HELZ: variants seen among roughly 807,000 people sequenced by gnomAD.
HELZ encodes ATP-dependent RNA helicase with zinc finger domain.
HELZ carries 23 observed loss-of-function variants against 218.2 expected under a neutral mutation model. That is an observed-to-expected ratio of 0.11 (90% confidence interval 0.08 to 0.15). The LOEUF is 0.15. Among genes scored for constraint, HELZ ranks in the 10% least tolerant of loss-of-function variants. The probability of loss-of-function intolerance (pLI) is 1.00; values close to 1 mark genes in which losing one functional copy is unlikely to be tolerated. For synonymous variants in HELZ, 814 were observed against 829.4 expected, an observed-to-expected ratio of 0.98 and a Z score of 0.32; for missense variants, 1,813 against 2,353.7, an observed-to-expected ratio of 0.77 and a Z score of 4.75.
Position 67,224,738 on chromosome 17 carries a change from T to C in HELZ, c.-18-5916A>G, listed in dbSNP as rs552419243. 3.1e-5 allele frequency: 34 copies of C among 1,097,312 alleles called. No homozygotes were observed. In the African/African-American group the frequency reaches 5.0e-4, roughly 16 times the overall value. The allele number at this position is 1,097,312 out of a possible 1,614,324, so 68.0% of individuals were successfully genotyped here. A position where few individuals can be genotyped will look rare whatever the true frequency, so the allele number is the denominator to read the frequency against. On this transcript the variant is annotated intron_variant, in intron 3 of 32. Transcript: ENST00000358691. ...AGTGCTCATGCAAACATGGTGAACG[T>C]TGCTAAAACCCGCCGGACTTTCTGT...
At chr17:67,095,065 A>C (rs1351794555) in intron 31 of HELZ, among the ~76,000 whole-genome samples, 1 of 152,172 alleles carries the variant, frequency 6.6e-6, no homozygotes, top group Non-Finnish European at 1.5e-5. Context: ...TTACTCACAG[A>C]ACTTCTTTCA....
At chr17:67,103,670 A>T (rs1349820484) in intron 31 of HELZ, among the ~76,000 whole-genome samples, 2 of 152,196 alleles carry the variant, frequency 1.3e-5, no homozygotes, top group African/African-American at 4.8e-5. Context: ...ATACTCCCCA[A>T]ATTAATCTAG....
At chr17:67,121,511 T>TG (rs1379461110) in intron 26 of HELZ, among the ~76,000 whole-genome samples, 1 of 152,190 alleles carries the variant, frequency 6.6e-6, no homozygotes, top group Non-Finnish European at 1.5e-5. Flanking sequence ...GTCATGATTG[T>TG]GAACTATCCT....
At position 67,072,298 on chromosome 17, in the gene HELZ, T is replaced by C. The variant is rs1173056994; in HGVS notation, c.*5954A>G. 3 of 152,490 alleles carry C rather than the reference T, an allele frequency of 2.0e-5. No individual in the cohort carries two copies. The highest frequency in any genetic ancestry group is 2.0e-4 in the Admixed American group (3 of 15,274). The allele number at this position is 152,490 out of a possible 1,614,324, so 9.4% of individuals were successfully genotyped here. On this transcript the variant is annotated 3_prime_UTR_variant, in exon 33 of 33. Coordinates refer to ENST00000358691, the MANE Select transcript of HELZ (RefSeq NM_014877.4). Reference sequence around the variant, plus strand: ...TTGCAGTGAGCCGAGATCATGCCACTGTACTCCAGCCAGGGCAACAGAGCG... The same window carrying C: ...TTGCAGTGAGCCGAGATCATGCCACCGTACTCCAGCCAGGGCAACAGAGCG...
In HELZ at chr17:67,076,778, G is replaced by A. The variant is rs1289289249; in HGVS notation, c.*1474C>T. ...GATTATAGGATTGCCTATCGAAAGT[G>A]GTCTTCCAAAAACCTGTTTTTGAAT... On this transcript the variant is annotated 3_prime_UTR_variant, in exon 33 of 33. Coordinates refer to ENST00000358691, the MANE Select transcript of HELZ (RefSeq NM_014877.4). 6.6e-6 allele frequency: 1 copy of A among 152,048 alleles called. No individual in the cohort carries two copies. Among genetic ancestry groups the A allele is most frequent in the Non-Finnish European group, 1.5e-5 (1 of 68,004 alleles). 9.4% of individuals were successfully genotyped at this position (152,048 alleles called of 1,614,324 possible).
intron 7 of HELZ, among the ~76,000 whole-genome samples, chr17:67,200,294 G>C (rs1427229756): frequency 6.6e-6 from 1 of 152,172 alleles, no homozygotes; most frequent in African/African-American, 2.4e-5. Context: ...ACATGCCACT[G>C]TTGTCCCTGA....
chr17:67,179,922 T>C (rs1246592197), intron 12 of HELZ, among the ~76,000 whole-genome samples: 1 of 152,214 alleles, frequency 6.6e-6, no homozygotes, highest in Non-Finnish European at 1.5e-5. Flanking sequence ...GACAACATAA[T>C]GCACAATTGC....
chr17:67,168,217 G>T (rs1342014824), intron 13 of HELZ, among the ~76,000 whole-genome samples: 1 of 152,102 alleles, frequency 6.6e-6, no homozygotes, highest in Non-Finnish European at 1.5e-5. Context: ...GATCTCAGGT[G>T]ATCCACCCAC....
At chr17:67,194,332 C>A (rs1295436660) in intron 8 of HELZ, among the ~76,000 whole-genome samples, 1 of 152,134 alleles carries the variant, frequency 6.6e-6, no homozygotes, top group African/African-American at 2.4e-5. Context: ...CCTAACAACA[C>A]AAGGCGGGTG....
At chr17:67,128,530 T>C (rs2037874587) in intron 24 of HELZ, 121 bp downstream of exon 24, 2 of 854,086 alleles carry the variant, frequency 2.3e-6, no homozygotes, top group Non-Finnish European at 3.9e-6. Flanking sequence ...CAGAAACCGC[T>C]TGCCGCCAAA....
intron 27 of HELZ, among the ~76,000 whole-genome samples, chr17:67,116,484 TACACACACAC>T (rs144779116): frequency 1.4e-5 from 2 of 147,716 alleles, no homozygotes; most frequent in African/African-American, 5.0e-5. Context: ...AAGGTAAAAA[TACACACACAC>T]ACACACACAC....
At chr17:67,143,860 TACAC>T (rs1421284507) in intron 21 of HELZ, among the ~76,000 whole-genome samples, 1 of 152,228 alleles carries the variant, frequency 6.6e-6, no homozygotes, top group Non-Finnish European at 1.5e-5. Flanking sequence ...AAAGGAGAAT[TACAC>T]ACAGCACATA....
At chr17:67,150,862 C>G (rs897022248) in intron 18 of HELZ, among the ~76,000 whole-genome samples, 184 bp downstream of exon 18, 1 of 152,160 alleles carries the variant, frequency 6.6e-6, no homozygotes, top group Non-Finnish European at 1.5e-5. Context: ...AACAACTCAA[C>G]TCAGCCACTG....
chr17:67,148,733 C>G lies in HELZ; in HGVS notation c.2476-19G>C, dbSNP rs1013512067. 6.3e-7 allele frequency: 1 copy of G among 1,590,606 alleles called. No homozygotes were observed. The highest frequency in any genetic ancestry group is 1.4e-5 in the African/African-American group (1 of 73,790). ...GACTGAGCTGTAACAGACAAACATACAGAGAAAGTTTAACTGAACATACAA... is the reference window on the plus strand; with the variant it reads ...GACTGAGCTGTAACAGACAAACATAGAGAGAAAGTTTAACTGAACATACAA... On this transcript the variant is annotated intron_variant, in intron 19 of 32. Coordinates refer to ENST00000358691, the MANE Select transcript of HELZ (RefSeq NM_014877.4).
At chr17:67,159,950 T>C (rs977919938) in intron 17 of HELZ, among the ~76,000 whole-genome samples, 3 of 152,176 alleles carry the variant, frequency 2.0e-5, no homozygotes, top group African/African-American at 7.2e-5. Flanking sequence ...CTAGATTTAA[T>C]TTAAGTTATC....
intron 31 of HELZ, among the ~76,000 whole-genome samples, chr17:67,087,629 A>C (rs2036433142): frequency 6.6e-6 from 1 of 152,158 alleles, no homozygotes; most frequent in Non-Finnish European, 1.5e-5. Flanking sequence ...CAACGTAAGT[A>C]CTCTTGACTG....
intron 15 of HELZ, among the ~76,000 whole-genome samples, chr17:67,163,319 G>T (rs537083740): frequency 5.9e-5 from 9 of 152,148 alleles, no homozygotes; most frequent in Non-Finnish European, 1.2e-4. Flanking sequence ...GAATGAGACA[G>T]ATATCATGAT....
At chr17:67,210,648 G>C (rs188523078) in intron 5 of HELZ, among the ~76,000 whole-genome samples, 1 of 152,214 alleles carries the variant, frequency 6.6e-6, no homozygotes, top group African/African-American at 2.4e-5. Flanking sequence ...AAATGGCCGG[G>C]CACAGTGACT....
chr17:67,174,754 A>T (rs1313675520), intron 13 of HELZ, among the ~76,000 whole-genome samples: 3 of 152,102 alleles, frequency 2.0e-5, no homozygotes, highest in Non-Finnish European at 4.4e-5. Context: ...GCGAGACTGC[A>T]CCATTGCACT....
Sources: allele counts gnomAD v4.1 joint callset (sites outside exome capture counted in the v4.1 genomes callset), GRCh38; gene constraint gnomAD v4.1.1; transcripts MANE v1.5; gene names NCBI Gene and HGNC (gene_info 2026-07-23, HGNC 2026-07-21).